The following DPP6 variants were observed in gnomAD, a reference collection of about 807,000 sequenced individuals.
DPP6 encodes A-type potassium channel modulatory protein DPP6.
A neutral mutation model predicts 122.6 loss-of-function variants in DPP6; 69 were observed. That is an observed-to-expected ratio of 0.56 (90% confidence interval 0.46 to 0.69). DPP6 has a LOEUF of 0.69. Among genes scored for constraint, DPP6 ranks in the 30% least tolerant of loss-of-function variants. The pLI, the probability that DPP6 is intolerant of heterozygous loss-of-function variation, is 0.00. For missense variants in DPP6, 928 were observed against 1,116.9 expected (o/e 0.83, Z 2.41); for synonymous variants, 418 against 433.1 (o/e 0.97, Z 0.43).
chr7:153,843,069 TACACACGTGCGC>T, the DPP6 span, among the ~76,000 whole-genome samples: 1 of 147,040 alleles, frequency 6.8e-6, no homozygotes, highest in African/African-American at 2.6e-5. Flanking sequence ...CACGAGTGCA[TACACACGTGCGC>T]ACACACACGA....
intron 8 of DPP6, among the ~76,000 whole-genome samples, chr7:154,729,421 T>C (rs1019129234): frequency 2.6e-5 from 4 of 152,220 alleles, no homozygotes; most frequent in South Asian, 2.1e-4. Flanking sequence ...CCTAGGATAA[T>C]TTCTCTGAAG....
intron 8 of DPP6, among the ~76,000 whole-genome samples, chr7:154,757,338 C>G (rs867143753): frequency 1.3e-5 from 2 of 152,256 alleles, no homozygotes; most frequent in Admixed American, 6.5e-5. Context: ...CTGCGAGGCC[C>G]TGCAAGTGTC....
At chr7:154,543,623 C>A (rs1828906011) in intron 4 of DPP6, among the ~76,000 whole-genome samples, 1 of 152,200 alleles carries the variant, frequency 6.6e-6, no homozygotes, top group South Asian at 2.1e-4. Flanking sequence ...ACTAAATTTA[C>A]TAATTCAGTC....
At chr7:154,419,318 A>C (rs1817266815) in intron 1 of DPP6, among the ~76,000 whole-genome samples, 1 of 152,248 alleles carries the variant, frequency 6.6e-6, no homozygotes, top group Non-Finnish European at 1.5e-5. Flanking sequence ...TTATCATTTT[A>C]GACATGATGG....
chr7:154,607,483 C>T lies in DPP6; in HGVS notation c.628-30338C>T, dbSNP rs748991682. 6.1e-4 allele frequency among the ~76,000 whole-genome samples: 65 copies of T among 106,924 alleles called. 14 individuals carry two copies. Among genetic ancestry groups the T allele is most frequent in the South Asian group, 8.8e-4 (2 of 2,262 alleles). The allele number at this position is 106,924 out of a possible 152,430, so 70.1% of individuals were successfully genotyped here. A position where few individuals can be genotyped will look rare whatever the true frequency, so the allele number is the denominator to read the frequency against. ...GGCTGAGGCAGGAGAATGGCGTGAA[C>T]CCAGGAGGCCAGAGCTTGCAGTGAG... On this transcript the variant is annotated intron_variant, in intron 5 of 25. Coordinates refer to ENST00000377770, the MANE Select transcript of DPP6 (RefSeq NM_130797.4).
intron 1 of DPP6, among the ~76,000 whole-genome samples, chr7:154,046,773 G>C (rs540463488): frequency 6.6e-6 from 1 of 152,164 alleles, no homozygotes; most frequent in African/African-American, 2.4e-5. Context: ...ATTTCTGGCC[G>C]ACAAGCCTTC....
chr7:153,784,286 A>G, the DPP6 span, among the ~76,000 whole-genome samples: 1 of 152,316 alleles, frequency 6.6e-6, no homozygotes, highest in South Asian at 2.1e-4. Flanking sequence ...AGAAATATGT[A>G]TTTGCTGTGC....
intron 16 of DPP6, among the ~76,000 whole-genome samples, chr7:154,810,456 C>T (rs1453070337): frequency 1.3e-5 from 2 of 152,196 alleles, no homozygotes; most frequent in Non-Finnish European, 2.9e-5. Flanking sequence ...TTAGAGAGCA[C>T]TATAGGGTGG....
At chr7:154,028,720 C>G (rs2129054070) in intron 1 of DPP6, among the ~76,000 whole-genome samples, 1 of 152,264 alleles carries the variant, frequency 6.6e-6, no homozygotes, top group South Asian at 2.1e-4. Flanking sequence ...TTCTGGTAGG[C>G]CCCGCTCTGC....
At chr7:154,182,712 G>T (rs7807670) in intron 1 of DPP6, among the ~76,000 whole-genome samples, 62,838 of 151,694 alleles carry the variant, frequency 0.41, 15,075 homozygotes, top group African/African-American at 0.68. Context: ...TGTGTCTCTC[G>T]GTGTGCTATT....
At chr7:154,765,366 G>T (rs1795832376) in intron 8 of DPP6, among the ~76,000 whole-genome samples, 1 of 152,142 alleles carries the variant, frequency 6.6e-6, no homozygotes, top group Admixed American at 6.6e-5. Flanking sequence ...ACAGTCCAAT[G>T]GAGTCCCCTG....
chr7:153,791,675 A>G, the DPP6 span, among the ~76,000 whole-genome samples: 66,512 of 150,398 alleles, frequency 0.44, 14,643 homozygotes, highest in South Asian at 0.54. Context: ...CCGCCTTGGC[A>G]TCCCAAGGTG....
At chr7:153,759,962 T>C in the DPP6 span, among the ~76,000 whole-genome samples, 2 of 151,134 alleles carry the variant, frequency 1.3e-5, no homozygotes, top group African/African-American at 4.9e-5. Flanking sequence ...TGTCTCTCTC[T>C]GTTTCTGTAT....
chr7:154,544,954 A>G (rs1020126612), intron 4 of DPP6, among the ~76,000 whole-genome samples: 2 of 152,204 alleles, frequency 1.3e-5, no homozygotes, highest in African/African-American at 4.8e-5. Context: ...AGTAGCAGAC[A>G]GTGGAATCCA....
intron 18 of DPP6, among the ~76,000 whole-genome samples, chr7:154,868,736 C>T (rs1041101200): frequency 1.3e-5 from 2 of 152,224 alleles, no homozygotes; most frequent in African/African-American, 4.8e-5. Flanking sequence ...ACTCCCACCT[C>T]CGCACAGATG....
intron 1 of DPP6, among the ~76,000 whole-genome samples, chr7:154,283,670 A>G (rs141497556): frequency 6.6e-6 from 1 of 152,198 alleles, no homozygotes; most frequent in Non-Finnish European, 1.5e-5. Flanking sequence ...TGTAGACAGA[A>G]CTTGTGCATC....
At chr7:154,464,061 G>A (rs1356671775) in intron 2 of DPP6, among the ~76,000 whole-genome samples, 1 of 152,186 alleles carries the variant, frequency 6.6e-6, no homozygotes, top group East Asian at 1.9e-4. Context: ...GGCCTAGACT[G>A]CCTTTCAAGT....
At chr7:154,763,853 A>G (rs1795726560) in intron 8 of DPP6, among the ~76,000 whole-genome samples, 1 of 152,052 alleles carries the variant, frequency 6.6e-6, no homozygotes, top group African/African-American at 2.4e-5. Context: ...CCCCCTAGAT[A>G]CAACTGCCAA....
chr7:154,795,534 C>T (rs746231001), intron 11 of DPP6, among the ~76,000 whole-genome samples: 2 of 152,150 alleles, frequency 1.3e-5, no homozygotes, highest in African/African-American at 2.4e-5. Flanking sequence ...GATGACCGCC[C>T]CCTGGTACAC....
Sources: allele counts gnomAD v4.1 joint callset (sites outside exome capture counted in the v4.1 genomes callset), GRCh38; gene constraint gnomAD v4.1.1; transcripts MANE v1.5; gene names NCBI Gene and HGNC (gene_info 2026-07-23, HGNC 2026-07-21).